The following INTS9 variants were observed in gnomAD, a reference collection of about 807,000 sequenced individuals.
INTS9 encodes integrator complex subunit 9.
INTS9 carries 55 observed loss-of-function variants against 79.7 expected under a neutral mutation model. That is an observed-to-expected ratio of 0.69 (90% CI 0.56 to 0.86). The LOEUF (loss-of-function observed/expected upper bound fraction) is 0.86, where lower values mean the gene tolerates loss of function less well. Among genes scored for constraint, INTS9 ranks in the 40% least tolerant of loss-of-function variants. INTS9 has a pLI of 0.00. For missense variants in INTS9, 721 were observed against 831.5 expected (o/e 0.87, Z 1.64); for synonymous variants, 319 against 325.2 (o/e 0.98, Z 0.20).
intron 15 of INTS9, 147 bp from the exon 16 acceptor site, chr8:28,770,173 C>G (rs1802449178): frequency 9.9e-7 from 1 of 1,005,788 alleles, no homozygotes. Context: ...GGTTCAGGTT[C>G]CCTGGCTGCC....
rs532495283 is a variant in INTS9, at chr8:28,813,355, G to A, written c.609+137C>T. Reference sequence around the variant, plus strand: ...GCACCAATAAAATCCTGCGCGGAACGGAGGAAAGAACAGAGGCTCTGGATC... The same window carrying A: ...GCACCAATAAAATCCTGCGCGGAACAGAGGAAAGAACAGAGGCTCTGGATC... On this transcript the variant is annotated intron_variant, in intron 7 of 16. Transcript: ENST00000521022. 73 of 837,284 alleles carry A rather than the reference G, an allele frequency of 8.7e-5. No homozygotes were observed. In the African/African-American group the frequency reaches 1.1e-3, roughly 13 times the overall value. The allele number at this position is 837,284 out of a possible 1,614,324, so 51.9% of individuals were successfully genotyped here.
At chr8:28,779,762 G>A (rs963519131) in intron 12 of INTS9, among the ~76,000 whole-genome samples, 3 of 152,186 alleles carry the variant, frequency 2.0e-5, no homozygotes, top group African/African-American at 4.8e-5. Flanking sequence ...AACCCAACTT[G>A]GTTTGACCAC....
At chr8:28,820,772 T>C (rs755385824) in intron 6 of INTS9, among the ~76,000 whole-genome samples, 5 of 152,152 alleles carry the variant, frequency 3.3e-5, no homozygotes, top group African/African-American at 7.2e-5. Context: ...ATCAGAATGA[T>C]GACAGAAACA....
At chr8:28,875,222 C>G (rs1421125615) in intron 1 of INTS9, among the ~76,000 whole-genome samples, 1 of 152,056 alleles carries the variant, frequency 6.6e-6, no homozygotes, top group Non-Finnish European at 1.5e-5. Context: ...CTGAACTATC[C>G]AAATAGGAGG....
intron 4 of INTS9, 82 bp from the exon 5 acceptor site, chr8:28,837,858 T>C: frequency 7.4e-7 from 1 of 1,354,804 alleles, no homozygotes. Context: ...GTTGTCAGAA[T>C]GCAGAGAAGT....
chr8:28,887,454 G>A (rs1006768534), intron 1 of INTS9, among the ~76,000 whole-genome samples: 3 of 152,210 alleles, frequency 2.0e-5, no homozygotes, highest in Admixed American at 6.5e-5. Context: ...CATTTAGGAA[G>A]CAGAATCAAT....
At position 28,859,562 on chromosome 8, in the gene INTS9, T is replaced by C. The variant is rs1808342340; in HGVS notation, c.11A>G (p.Tyr4Cys). 1 of 1,614,034 alleles carries C rather than the reference T, an allele frequency of 6.2e-7. No homozygotes were observed. The highest frequency in any genetic ancestry group is 8.5e-7 in the Non-Finnish European group (1 of 1,179,916). MKL[Y>C]CLSGHPTLPC... ...TAAGGTTGGGTGCCCTGACAGGCAATACTGAAAAAAATTAAATCACTTTGA... is the reference window on the plus strand; with the variant it reads ...TAAGGTTGGGTGCCCTGACAGGCAACACTGAAAAAAATTAAATCACTTTGA... The change falls in exon 2 of 17, where the codon TAT becomes TGT. Residue 4 changes from tyrosine to cysteine, a missense_variant and splice_region_variant. Coordinates refer to ENST00000521022, the MANE Select transcript of INTS9 (RefSeq NM_018250.4).
chr8:28,829,477 C>T (rs879820529), intron 6 of INTS9, among the ~76,000 whole-genome samples: 4 of 151,926 alleles, frequency 2.6e-5, no homozygotes, highest in African/African-American at 7.3e-5. Flanking sequence ...TTTTTTGGTA[C>T]GTGTACTAAT....
At chr8:28,828,941 C>A (rs762514526) in intron 6 of INTS9, among the ~76,000 whole-genome samples, 1 of 152,158 alleles carries the variant, frequency 6.6e-6, no homozygotes, top group Non-Finnish European at 1.5e-5. Flanking sequence ...CCTTGGCCCC[C>A]CAAAGTGCTG....
intron 12 of INTS9, among the ~76,000 whole-genome samples, chr8:28,778,950 A>G (rs758645357): frequency 1.2e-4 from 18 of 152,196 alleles, no homozygotes; most frequent in Non-Finnish European, 2.6e-4. Flanking sequence ...TCTCCCAGAC[A>G]CAACTTCTGC....
intron 2 of INTS9, among the ~76,000 whole-genome samples, chr8:28,855,347 T>C (rs958218987): frequency 6.6e-6 from 1 of 152,158 alleles, no homozygotes; most frequent in Non-Finnish European, 1.5e-5. Context: ...CTAAGAGCAA[T>C]GAAAAACCAC....
chr8:28,795,231 C>G (rs564106455), intron 9 of INTS9, among the ~76,000 whole-genome samples: 10 of 152,130 alleles, frequency 6.6e-5, no homozygotes, highest in Non-Finnish European at 1.3e-4. Flanking sequence ...CCACAAGATT[C>G]TCATGTTGGC....
chr8:28,783,295 A>C (rs897464767), intron 11 of INTS9, among the ~76,000 whole-genome samples: 2 of 152,164 alleles, frequency 1.3e-5, no homozygotes, highest in Non-Finnish European at 2.9e-5. Flanking sequence ...AATAGCAAAG[A>C]CAGTTATGAC....
intron 14 of INTS9, among the ~76,000 whole-genome samples, chr8:28,772,233 C>T (rs953678392): frequency 6.6e-6 from 1 of 152,162 alleles, no homozygotes; most frequent in Non-Finnish European, 1.5e-5. Context: ...TGATCAAAGA[C>T]GTACAGTTTG....
intron 8 of INTS9, among the ~76,000 whole-genome samples, chr8:28,810,683 A>G (rs1310184630): frequency 6.6e-6 from 1 of 152,206 alleles, no homozygotes; most frequent in Non-Finnish European, 1.5e-5. Flanking sequence ...ATGTATCTAT[A>G]TACCCATTCA....
rs758962152 is a variant in INTS9, at chr8:28,768,272, G to T, written c.1851C>A (p.Val617=). ...KVEDTAKGHI[V]LLQEAETLIQ... is the part of the protein sequence containing the mutation. ...TGAGCGTCTCAGCCTCCTGGAGCAG[G>T]ACGATATGGCCCTTGGCTGTGTCCT... Residue 617 remains valine, a synonymous_variant, in exon 17 of 17, where the codon GTC becomes GTA. Transcript: ENST00000521022. 6.8e-5 allele frequency: 110 copies of T among 1,613,968 alleles called. No individual in the cohort carries two copies. The South Asian group carries it at 1.1e-3, about 16-fold the overall frequency.
At chr8:28,833,625 CA>C (rs1806630114) in intron 6 of INTS9, among the ~76,000 whole-genome samples, 15 of 97,528 alleles carry the variant, frequency 1.5e-4, no homozygotes, top group Middle Eastern at 4.6e-3. Flanking sequence ...GTCTCAAAAA[CA>C]AAAACAAAAA....
intron 10 of INTS9, among the ~76,000 whole-genome samples, chr8:28,791,159 C>T (rs888129152): frequency 6.6e-6 from 1 of 152,118 alleles, no homozygotes; most frequent in East Asian, 1.9e-4. Context: ...TTCAGTCCCT[C>T]GACTTCTGCA....
At chr8:28,886,881 T>C (rs571770322) in intron 1 of INTS9, among the ~76,000 whole-genome samples, 1 of 152,360 alleles carries the variant, frequency 6.6e-6, no homozygotes, top group African/African-American at 2.4e-5. Flanking sequence ...CACACAATAA[T>C]TGCTTTATAA....
Sources: gnomAD v4.1 joint callset for allele counts (sites outside exome capture counted in the v4.1 genomes callset) on GRCh38, gnomAD v4.1.1 for gene constraint, MANE v1.5 for transcripts, NCBI Gene and HGNC (gene_info 2026-07-23, HGNC 2026-07-21) for gene names.